The following TEKT3 variants were observed in gnomAD, a reference collection of about 807,000 sequenced individuals.
TEKT3 encodes the protein tektin 3.
Under a neutral mutation model 49.8 loss-of-function variants are expected in TEKT3, and 49 were observed. The ratio of observed to expected loss-of-function variants is 0.98; its 90% confidence interval spans 0.78 to 1.25. TEKT3 has a LOEUF of 1.25. TEKT3 is among the 50% of genes most tolerant of loss of function. The pLI is 0.00. For missense variants in TEKT3, 595 were observed against 629.5 expected (o/e 0.95, Z 0.59); for synonymous variants, 225 against 237.2 (o/e 0.95, Z 0.47).
chr17:15,334,280 T>A lies in TEKT3; in HGVS notation c.-29-2666A>T, dbSNP rs190252985. The stretch of plus-strand genomic sequence containing the variant: ...TATGTTGCCCAGGCTGGTCTCAAAC[T>A]CCTGGCCACAAGTGATCCCCCACCT... On this transcript the variant is annotated intron_variant, in intron 2 of 8. Coordinates refer to ENST00000395930, the MANE Select transcript of TEKT3 (RefSeq NM_031898.3). Among the ~76,000 whole-genome samples, 205 of 152,062 alleles carry A rather than the reference T, an allele frequency of 1.3e-3. 1 individual carries two copies. The highest frequency in any genetic ancestry group is 2.3e-3 in the Non-Finnish European group (159 of 67,994).
Position 15,304,218 on chromosome 17 carries a change from A to G in TEKT3, c.1257-66T>C. ...GCTTACGCAACTCCAAGTACATCAC[A>G]TTGTAACCAGCGATGCAAAGCTCAC... is the stretch of plus-strand genomic sequence containing the variant. On this transcript the variant is annotated intron_variant, in intron 8 of 8. Transcript: ENST00000395930. The surrounding 1 kb of genome is among the most constrained non-coding windows in gnomAD (Gnocchi z 4.7). 1 of 1,521,180 alleles carries G rather than the reference A, an allele frequency of 6.6e-7. No homozygotes were observed. The highest frequency in any genetic ancestry group is 2.3e-5 in the East Asian group (1 of 43,966). The allele number at this position is 1,521,180 out of a possible 1,614,324, so 94.2% of individuals were successfully genotyped here.
At chr17:15,326,743 A>G (rs1911508223) in intron 4 of TEKT3, among the ~76,000 whole-genome samples, 2 of 152,218 alleles carry the variant, frequency 1.3e-5, no homozygotes, top group South Asian at 4.1e-4. Context: ...AATGCTTTAT[A>G]AAGTGCCTGG....
rs756408244 is a variant in TEKT3 at position 15,304,011 on chromosome 17, C to G, written c.1398G>C (p.Leu466=). The change falls in exon 9 of 9, where the codon CTG becomes CTC. Residue 466 remains leucine (L), a synonymous_variant. Coordinates refer to ENST00000395930, the MANE Select transcript of TEKT3 (RefSeq NM_031898.3). This position sits in a 1 kb window ranked among gnomAD's most constrained non-coding sequence, Gnocchi z 4.7. The part of the protein sequence containing the change: ...EYDLAVKANS[L]YIDQEKCMSM... ...TCATGCATTTTTCCTGGTCGATGTA[C>G]AGGGAATTGGCTTTGACAGCCAGGT... is the stretch of plus-strand genomic sequence containing the variant. 1 of 1,614,124 alleles carries G rather than the reference C, an allele frequency of 6.2e-7. No individual in the cohort carries two copies. Among genetic ancestry groups the G allele is most frequent in the Non-Finnish European group, 8.5e-7 (1 of 1,180,040 alleles).
intron 4 of TEKT3, among the ~76,000 whole-genome samples, chr17:15,327,309 A>G (rs1000736821): frequency 2.0e-5 from 3 of 152,022 alleles, no homozygotes; most frequent in South Asian, 4.2e-4. Flanking sequence ...TGAGGTTGGG[A>G]GTTCAAGACC....
In TEKT3 at chr17:15,304,134, G is replaced by A. The variant is rs757951925; in HGVS notation, c.1275C>T (p.His425=). 1.9e-6 allele frequency: 3 copies of A among 1,613,666 alleles called. No individual in the cohort carries two copies. Among genetic ancestry groups the A allele is most frequent in the South Asian group, 1.1e-5 (1 of 90,734 alleles). ...GGGTCTGGATGGTGTCGTCAACCTC[G>A]TGTACCTCGTTAACAAGGCTGCAGC... is the stretch of plus-strand genomic sequence containing the variant. The part of the protein sequence containing the change: ...MAQLRLVNEV[H]EVDDTIQTLQ... Residue 425 remains histidine, a synonymous_variant, in exon 9 of 9, where the codon CAC becomes CAT. Coordinates refer to ENST00000395930, the MANE Select transcript of TEKT3 (RefSeq NM_031898.3). This position sits in a 1 kb window ranked among gnomAD's most constrained non-coding sequence, Gnocchi z 4.7.
chr17:15,333,363 G>A lies in TEKT3; in HGVS notation c.-29-1749C>T, dbSNP rs116917010. On this transcript the variant is annotated intron_variant, in intron 2 of 8. Coordinates refer to ENST00000395930, the MANE Select transcript of TEKT3 (RefSeq NM_031898.3). ...CAAAATAATCTATCTGTAGAATTGC[G>A]TTCAAGTCAAAATCCACACAGATCA... 1.7e-4 allele frequency among the ~76,000 whole-genome samples: 26 copies of A among 152,262 alleles called. 1 individual carries two copies. The East Asian group carries it at 2.3e-3, about 14-fold the overall frequency.
intron 4 of TEKT3, among the ~76,000 whole-genome samples, chr17:15,321,616 C>T (rs1197435863): frequency 1.3e-5 from 2 of 152,310 alleles, no homozygotes; most frequent in African/African-American, 4.8e-5. Flanking sequence ...TGGCTGCTGC[C>T]TCACACCTAA....
At chr17:15,340,195 C>T (rs1912161552) in intron 1 of TEKT3, 134 bp from the exon 2 acceptor site, 1 of 152,022 alleles carries the variant, frequency 6.6e-6, no homozygotes, top group Non-Finnish European at 1.5e-5. Context: ...CAAGAATCAC[C>T]ACACAACAGT....
At chr17:15,335,123 G>GA (rs1360639430) in intron 2 of TEKT3, among the ~76,000 whole-genome samples, 1 of 152,184 alleles carries the variant, frequency 6.6e-6, no homozygotes, top group African/African-American at 2.4e-5. Context: ...CAGACAATGA[G>GA]AAAAAACATG....
At position 15,304,197 on chromosome 17, in the gene TEKT3, A is replaced by G; in HGVS notation, c.1257-45T>C. The G allele has an allele frequency of 6.3e-7, 1 of 1,594,202 alleles. No homozygotes were observed. Reference sequence around the variant, plus strand: ...GCATGGTTAGGTCAGCATGTAGCTTACGCAACTCCAAGTACATCACATTGT... The same window carrying G: ...GCATGGTTAGGTCAGCATGTAGCTTGCGCAACTCCAAGTACATCACATTGT... On this transcript the variant is annotated intron_variant, in intron 8 of 8. Transcript: ENST00000395930. This position sits in a 1 kb window ranked among gnomAD's most constrained non-coding sequence, Gnocchi z 4.7.
At chr17:15,342,510 A>C (rs540057169), upstream of TEKT3, among the ~76,000 whole-genome samples, 5 of 152,342 alleles carry the variant, frequency 3.3e-5, no homozygotes, top group East Asian at 9.6e-4. Flanking sequence ...GGGACTTGCC[A>C]GGATAAGGCA....
At chr17:15,319,518 G>T (rs913794922) in intron 4 of TEKT3, among the ~76,000 whole-genome samples, 3 of 152,130 alleles carry the variant, frequency 2.0e-5, no homozygotes, top group Non-Finnish European at 2.9e-5. Flanking sequence ...TATAACAGCT[G>T]TTCTTCCAAG....
chr17:15,336,091 A>C (rs1441024177), intron 2 of TEKT3, among the ~76,000 whole-genome samples: 2 of 141,458 alleles, frequency 1.4e-5, no homozygotes, highest in African/African-American at 5.6e-5. Context: ...GAAGCTCCAC[A>C]AACTCCAAGA....
At position 15,330,886 on chromosome 17, in the gene TEKT3, T is replaced by C. The variant is rs900136202; in HGVS notation, c.579+121A>G. On this transcript the variant is annotated intron_variant, in intron 3 of 8. Coordinates refer to ENST00000395930, the MANE Select transcript of TEKT3 (RefSeq NM_031898.3). ...ATTGCTGAAAACAGTCACAGATTTATTGATAGGGGGTTGGCTTCAACAGAT... is the reference window on the plus strand; with the variant it reads ...ATTGCTGAAAACAGTCACAGATTTACTGATAGGGGGTTGGCTTCAACAGAT... 4 of 1,032,388 alleles carry C rather than the reference T, an allele frequency of 3.9e-6. No homozygotes were observed. In the African/African-American group the frequency reaches 6.5e-5, roughly 17 times the overall value. The allele number at this position is 1,032,388 out of a possible 1,614,324, so 64.0% of individuals were successfully genotyped here.
intron 8 of TEKT3, among the ~76,000 whole-genome samples, chr17:15,306,460 G>C (rs1910556396): frequency 6.6e-6 from 1 of 151,480 alleles, no homozygotes; most frequent in Non-Finnish European, 1.5e-5. Flanking sequence ...AACAAAAGTA[G>C]GTTTTGTTCA....
intron 5 of TEKT3, among the ~76,000 whole-genome samples, chr17:15,317,260 A>G (rs1361503866): frequency 1.3e-5 from 2 of 152,218 alleles, no homozygotes; most frequent in East Asian, 3.8e-4. Context: ...GTATTGAGGC[A>G]ATTTGTAACA....
At position 15,321,658 on chromosome 17, in the gene TEKT3, A is replaced by T. The variant is rs888334564; in HGVS notation, c.664-2511T>A. On this transcript the variant is annotated intron_variant, in intron 4 of 8. Coordinates refer to ENST00000395930, the MANE Select transcript of TEKT3 (RefSeq NM_031898.3). ...GAACCGTACATTTAGGAGCCTGGAA[A>T]ATGGGTCCAACATTTCCAGATCCCT... 4.6e-5 allele frequency among the ~76,000 whole-genome samples: 7 copies of T among 152,198 alleles called. No individual in the cohort carries two copies. The East Asian group carries it at 1.3e-3, about 29-fold the overall frequency.
chr17:15,340,759 C>T (rs1912192313), intron 1 of TEKT3, among the ~76,000 whole-genome samples: 1 of 152,012 alleles, frequency 6.6e-6, no homozygotes, highest in African/African-American at 2.4e-5. Flanking sequence ...ATGGATTCAC[C>T]CCTGGGTTCA....
intron 3 of TEKT3, 108 bp downstream of exon 3, chr17:15,330,899 G>T: frequency 8.9e-7 from 1 of 1,123,400 alleles, no homozygotes. Context: ...ATAGGGGGTT[G>T]GCTTCAACAG....
Sources: gnomAD v4.1 joint callset for allele counts (sites outside exome capture counted in the v4.1 genomes callset) on GRCh38, gnomAD v4.1.1 for gene constraint, Gnocchi (gnomAD v3.1) non-coding constraint, MANE v1.5 for transcripts, NCBI Gene and HGNC (gene_info 2026-07-23, HGNC 2026-07-21) for gene names.